Variants in VPS13B observed in about 807,000 individuals in gnomAD.
The protein encoded by VPS13B is vacuolar protein sorting 13 homolog B.
Under a neutral mutation model 426.4 loss-of-function variants are expected in VPS13B, and 285 were observed. The observed-to-expected ratio is 0.67, with a 90% CI of 0.61 to 0.74. The LOEUF is 0.74. Among genes scored for constraint, VPS13B ranks in the 30% least tolerant of loss-of-function variants. VPS13B has a pLI of 0.00. For synonymous variants in VPS13B, 1,676 were observed against 1,676.4 expected (o/e 1.00, Z 0.01); for missense variants, 4,537 against 4,782.6 (o/e 0.95, Z 1.51).
At chr8:99,599,131 T>C (rs1290815572) in intron 33 of VPS13B, among the ~76,000 whole-genome samples, 1 of 152,000 alleles carries the variant, frequency 6.6e-6, no homozygotes, top group African/African-American at 2.4e-5. Flanking sequence ...TAAATTTACA[T>C]TTTTTAAAAT....
intron 58 of VPS13B, among the ~76,000 whole-genome samples, chr8:99,866,520 T>A (rs905970542): frequency 3.9e-5 from 6 of 152,370 alleles, no homozygotes; most frequent in Admixed American, 3.3e-4. Flanking sequence ...ACTCAGGCTT[T>A]CCACTTTTGG....
At position 99,239,789 on chromosome 8, in the gene VPS13B, A is replaced by G. The variant is rs529737520; in HGVS notation, c.2516-34409A>G. On this transcript the variant is annotated intron_variant, in intron 17 of 61. Transcript: ENST00000357162. ...AATGAAGGTGTCCAGGTTGAATCCA[A>G]GCATTTTCTGTTTATAGTTAAACAG... 2.0e-5 allele frequency among the ~76,000 whole-genome samples: 3 copies of G among 152,294 alleles called. No homozygotes were observed. The South Asian group carries it at 6.2e-4, about 32-fold the overall frequency.
intron 17 of VPS13B, among the ~76,000 whole-genome samples, chr8:99,237,512 C>A (rs1162326106): frequency 6.6e-6 from 1 of 151,728 alleles, no homozygotes; most frequent in South Asian, 2.1e-4. Flanking sequence ...GGAAAACAGG[C>A]CATGTAAATA....
chr8:99,671,552 TATC>T (rs1482331844), intron 35 of VPS13B, among the ~76,000 whole-genome samples: 1 of 152,200 alleles, frequency 6.6e-6, no homozygotes, highest in East Asian at 1.9e-4. Flanking sequence ...TCCAGACCAA[TATC>T]ATAGAGCTTT....
At chr8:99,020,230 G>C (rs1486767291) in intron 2 of VPS13B, among the ~76,000 whole-genome samples, 1 of 151,996 alleles carries the variant, frequency 6.6e-6, no homozygotes, top group Non-Finnish European at 1.5e-5. Flanking sequence ...TTTCTCAAAT[G>C]ATTAGTGATG....
intron 28 of VPS13B, among the ~76,000 whole-genome samples, chr8:99,509,607 A>G (rs1388449757): frequency 3.9e-5 from 6 of 152,192 alleles, no homozygotes; most frequent in Non-Finnish European, 7.4e-5. Context: ...ATGGGATAAT[A>G]TAGCTCAGAC....
chr8:99,442,331 C>G, intron 22 of VPS13B, 70 bp from the exon 23 acceptor site: 8 of 1,338,496 alleles, frequency 6.0e-6, no homozygotes, highest in Non-Finnish European at 8.6e-6. Flanking sequence ...TTTATTCTGG[C>G]GAAGATGTTA....
At chr8:99,565,347 CAT>C (rs1301795720) in intron 31 of VPS13B, among the ~76,000 whole-genome samples, 1 of 148,126 alleles carries the variant, frequency 6.8e-6, no homozygotes, top group Non-Finnish European at 1.5e-5. Flanking sequence ...TAATAAATTA[CAT>C]GTAATACTCT....
intron 19 of VPS13B, among the ~76,000 whole-genome samples, chr8:99,320,650 GA>G (rs1025681539): frequency 2.6e-5 from 4 of 152,174 alleles, no homozygotes; most frequent in African/African-American, 9.6e-5. Context: ...ATTTGGCAGA[GA>G]AAGCATTTAA....
intron 17 of VPS13B, among the ~76,000 whole-genome samples, chr8:99,242,895 CT>C (rs564417339): frequency 6.6e-6 from 1 of 151,932 alleles, no homozygotes; most frequent in Non-Finnish European, 1.5e-5. Flanking sequence ...GGCATGATGC[CT>C]TTTTTTGTCA....
At chr8:99,825,397 C>G (rs1814622366) in intron 51 of VPS13B, among the ~76,000 whole-genome samples, 1 of 151,930 alleles carries the variant, frequency 6.6e-6, no homozygotes, top group Non-Finnish European at 1.5e-5. Flanking sequence ...TGTGTATATC[C>G]TTTGCCCACT....
chr8:99,354,230 C>T (rs1022235955), intron 19 of VPS13B, among the ~76,000 whole-genome samples: 11 of 107,006 alleles, frequency 1.0e-4, no homozygotes, highest in Non-Finnish European at 5.3e-5. Flanking sequence ...TAGGGAAAAT[C>T]GTTGTGAGCA....
chr8:99,076,117 A>G lies in VPS13B; in HGVS notation c.292-20195A>G, dbSNP rs185620106. Among the ~76,000 whole-genome samples the G allele has an allele frequency of 5.4e-3, 826 of 152,202 alleles. 4 individuals carry two copies. The highest frequency in any genetic ancestry group is 0.014 in the Middle Eastern group (4 of 294). On this transcript the variant is annotated intron_variant, in intron 3 of 61. Coordinates refer to ENST00000357162, the MANE Select transcript of VPS13B (RefSeq NM_152564.5). ...TTTAAATTACTTTATTAATGGAGTC[A>G]TTGATCATTCAGGAGCATGTTGTTT...
At chr8:99,713,908 G>A (rs985980736) in intron 36 of VPS13B, among the ~76,000 whole-genome samples, 4 of 152,190 alleles carry the variant, frequency 2.6e-5, no homozygotes, top group African/African-American at 7.2e-5. Context: ...GAGAGGCCAA[G>A]ATGTGCAGAT....
intron 39 of VPS13B, among the ~76,000 whole-genome samples, chr8:99,740,187 G>A (rs984386776): frequency 3.9e-5 from 6 of 152,120 alleles, no homozygotes; most frequent in African/African-American, 1.2e-4. Flanking sequence ...CACAAGCCTC[G>A]GTAGCTGATT....
chr8:99,379,015 G>A (rs1157770062), intron 19 of VPS13B, among the ~76,000 whole-genome samples: 2 of 152,196 alleles, frequency 1.3e-5, no homozygotes, highest in Non-Finnish European at 2.9e-5. Context: ...CAGCAGGCAA[G>A]CAAGCATTAC....
chr8:99,554,065 T>C (rs962402921), intron 30 of VPS13B, among the ~76,000 whole-genome samples: 10 of 152,072 alleles, frequency 6.6e-5, no homozygotes, highest in African/African-American at 2.4e-4. Context: ...CTAAAAGCAA[T>C]GTAAAAGTCT....
chr8:99,122,715 T>C (rs1020837016), intron 8 of VPS13B, among the ~76,000 whole-genome samples: 6 of 152,206 alleles, frequency 3.9e-5, no homozygotes, highest in African/African-American at 1.4e-4. Flanking sequence ...TCTCCAGAGA[T>C]ACCAGAGTGA....
intron 61 of VPS13B, among the ~76,000 whole-genome samples, chr8:99,873,534 C>G (rs759450491): frequency 1.3e-5 from 2 of 152,198 alleles, no homozygotes; most frequent in Non-Finnish European, 2.9e-5. Flanking sequence ...GCCTGCACAG[C>G]CAAGGCCCGG....
Sources: allele counts gnomAD v4.1 joint callset (sites outside exome capture counted in the v4.1 genomes callset), GRCh38; gene constraint gnomAD v4.1.1; transcripts MANE v1.5; gene names NCBI Gene and HGNC (gene_info 2026-07-23, HGNC 2026-07-21).